Variants in CRISPLD2 observed in about 807,000 individuals in gnomAD.
CRISPLD2 encodes cysteine rich secretory protein LCCL domain containing 2, also known as cysteine-rich secretory protein LCCL domain-containing 2.
A neutral mutation model predicts 71.1 loss-of-function variants in CRISPLD2; 47 were observed. The ratio of observed to expected loss-of-function variants is 0.66; its 90% CI spans 0.52 to 0.84. The LOEUF (loss-of-function observed/expected upper bound fraction) is 0.84. Among genes scored for constraint, CRISPLD2 ranks in the 40% least tolerant of loss-of-function variants. The pLI, the probability that CRISPLD2 is intolerant of heterozygous loss-of-function variation, is 0.00. For synonymous variants in CRISPLD2, 317 were observed against 250.1 expected, an observed-to-expected ratio of 1.27 and a Z score of -2.52; for missense variants, 830 against 651.1, an observed-to-expected ratio of 1.27 and a Z score of -2.99.
At chr16:84,899,348 C>T (rs903190703) in intron 14 of CRISPLD2, among the ~76,000 whole-genome samples, 6 of 146,586 alleles carry the variant, frequency 4.1e-5, no homozygotes, top group Non-Finnish European at 9.2e-5. Flanking sequence ...ACAAGCTAAT[C>T]CAAAAAGAGA....
intron 8 of CRISPLD2, among the ~76,000 whole-genome samples, chr16:84,871,098 C>T (rs1341891528): frequency 6.6e-6 from 1 of 152,134 alleles, no homozygotes; most frequent in Non-Finnish European, 1.5e-5. Flanking sequence ...GATATGCTTG[C>T]AGGTCTGGCT....
chr16:84,857,217 A>T (rs1273935633), intron 6 of CRISPLD2, among the ~76,000 whole-genome samples: 1 of 152,234 alleles, frequency 6.6e-6, no homozygotes, highest in Non-Finnish European at 1.5e-5. Flanking sequence ...ACTCCTGCCA[A>T]CACGGCTACT....
At chr16:84,892,776 G>C (rs561992995) in intron 14 of CRISPLD2, among the ~76,000 whole-genome samples, 1 of 152,026 alleles carries the variant, frequency 6.6e-6, no homozygotes, top group African/African-American at 2.4e-5. Flanking sequence ...AGGAGTTCGA[G>C]ACCAGCCTGA....
At chr16:84,861,647 C>G (rs1917384983) in intron 6 of CRISPLD2, among the ~76,000 whole-genome samples, 1 of 152,164 alleles carries the variant, frequency 6.6e-6, no homozygotes, top group Non-Finnish European at 1.5e-5. Flanking sequence ...CACAGACACA[C>G]CCAGGATCAA....
chr16:84,846,258 C>T (rs1916912372), intron 3 of CRISPLD2: 1 of 198,708 alleles, frequency 5.0e-6, no homozygotes, highest in Non-Finnish European at 1.0e-5. Flanking sequence ...CTCCCCTTCC[C>T]TTCCTTCTTT....
intron 1 of CRISPLD2, among the ~76,000 whole-genome samples, chr16:84,821,588 C>A (rs1916232303): frequency 6.6e-6 from 1 of 152,200 alleles, no homozygotes; most frequent in Non-Finnish European, 1.5e-5. Flanking sequence ...ACCCTGCTTT[C>A]TTTAAGACAC....
intron 12 of CRISPLD2, 32 bp downstream of exon 12, chr16:84,877,542 T>C (rs1443518664): frequency 4.4e-6 from 7 of 1,604,952 alleles, no homozygotes; most frequent in Admixed American, 3.3e-5. Context: ...ATCTTTTCTA[T>C]GGAAGATGTT....
chr16:84,873,103 C>A lies in CRISPLD2; in HGVS notation c.1093C>A (p.His365Asn), dbSNP rs1478588542. 2.5e-6 allele frequency: 4 copies of A among 1,613,642 alleles called. No individual in the cohort carries two copies. In the Admixed American group the frequency reaches 6.7e-5, roughly 27 times the overall value. Reference sequence around the variant, plus strand: ...CCCCTTCTTCGTGAAGTCTGAGAGACACGGCGTGCAGTCCCTCAGGTAACT... The same window carrying A: ...CCCCTTCTTCGTGAAGTCTGAGAGAAACGGCGTGCAGTCCCTCAGGTAACT... The part of the protein sequence containing the change: ...KVPFFVKSER[H>N]GVQSLSKYKP... The change falls in exon 10 of 15, where the codon CAC becomes AAC. Residue 365 changes from histidine to asparagine, a missense_variant. Transcript: ENST00000262424.
chr16:84,889,599 CTT>C (rs1383142438), intron 14 of CRISPLD2, among the ~76,000 whole-genome samples: 2 of 147,346 alleles, frequency 1.4e-5, no homozygotes, highest in Non-Finnish European at 3.0e-5. Flanking sequence ...AAAAAAAGAA[CTT>C]TTTTTCCTAT....
intron 1 of CRISPLD2, among the ~76,000 whole-genome samples, chr16:84,832,026 T>C (rs953873982): frequency 1.3e-5 from 2 of 152,262 alleles, no homozygotes; most frequent in African/African-American, 2.4e-5. Flanking sequence ...TGAGCCGCCA[T>C]GTCCAGCCGG....
intron 7 of CRISPLD2, 144 bp from the exon 8 acceptor site, chr16:84,868,707 C>T (rs1018842286): frequency 8.6e-6 from 6 of 699,918 alleles, no homozygotes; most frequent in African/African-American, 3.7e-5. Context: ...CAGCGGAAGC[C>T]TGCAACCATC....
At chr16:84,859,386 G>A (rs1236934923) in intron 6 of CRISPLD2, among the ~76,000 whole-genome samples, 1 of 152,216 alleles carries the variant, frequency 6.6e-6, no homozygotes, top group Non-Finnish European at 1.5e-5. Context: ...CCAGTGTCCA[G>A]TAGTCCCCAA....
rs757030374 is a variant in CRISPLD2 at position 84,902,772 on chromosome 16, C to CTTTTTTT, written c.1440-3803_1440-3797dup. Among the ~76,000 whole-genome samples, 78 of 85,958 alleles carry CTTTTTTT rather than the reference C, an allele frequency of 9.1e-4. 4 individuals are homozygous for CTTTTTTT. Among genetic ancestry groups the CTTTTTTT allele is most frequent in the African/African-American group, 3.6e-3 (70 of 19,268 alleles). 56.4% of individuals were successfully genotyped at this position (85,958 alleles called of 152,430 possible). On this transcript the variant is annotated intron_variant, in intron 14 of 14. Coordinates refer to ENST00000262424, the MANE Select transcript of CRISPLD2 (RefSeq NM_031476.4). ...TATTTTTTGGAAAATCGGCCCATTG[C>CTTTTTTT]TTTTTTTTTTTTTTTTTTTGAGACA... is the stretch of plus-strand genomic sequence containing the variant.
At chr16:84,843,480 GAGCCAGCCTGCCTCCGTCC>G (rs1284058656) in intron 2 of CRISPLD2, among the ~76,000 whole-genome samples, 1 of 152,184 alleles carries the variant, frequency 6.6e-6, no homozygotes, top group Non-Finnish European at 1.5e-5. Context: ...ACAGGCTCTG[GAGCCAGCCTGCCTCCGTCC>G]AGCCAGCTCT....
intron 2 of CRISPLD2, chr16:84,840,018 CAAAA>C (rs5818511): frequency 3.7e-5 from 5 of 134,584 alleles, no homozygotes; most frequent in Non-Finnish European, 6.4e-5. Context: ...GACCCTGTCT[CAAAA>C]AAAAAAAAAA....
intron 14 of CRISPLD2, among the ~76,000 whole-genome samples, chr16:84,893,915 C>T (rs923173032): frequency 3.3e-5 from 5 of 152,298 alleles, no homozygotes; most frequent in East Asian, 1.9e-4. Context: ...GGCGAGGGGG[C>T]GGTCACAGGC....
chr16:84,890,096 C>T (rs1479849006), intron 14 of CRISPLD2, among the ~76,000 whole-genome samples: 1 of 152,162 alleles, frequency 6.6e-6, no homozygotes, highest in Non-Finnish European at 1.5e-5. Flanking sequence ...TGGTGGCTCA[C>T]GCCTGTAATC....
intron 13 of CRISPLD2, among the ~76,000 whole-genome samples, chr16:84,882,960 C>G (rs147043998): frequency 6.6e-6 from 1 of 152,102 alleles, no homozygotes; most frequent in Non-Finnish European, 1.5e-5. Flanking sequence ...TATGAACAGG[C>G]GTGAGGGGAA....
At chr16:84,853,905 C>T (rs1458462024) in intron 5 of CRISPLD2, among the ~76,000 whole-genome samples, 1 of 152,254 alleles carries the variant, frequency 6.6e-6, no homozygotes, top group Non-Finnish European at 1.5e-5. Flanking sequence ...GGGGCCCAAG[C>T]CGGGGAGCCT....
Sources: gnomAD v4.1 joint callset for allele counts (sites outside exome capture counted in the v4.1 genomes callset) on GRCh38, gnomAD v4.1.1 for gene constraint, MANE v1.5 for transcripts, NCBI Gene and HGNC (gene_info 2026-07-23, HGNC 2026-07-21) for gene names.